Variants in HS6ST3 observed in about 807,000 individuals in gnomAD.
HS6ST3 encodes heparan sulfate 6-O-sulfotransferase 3.
A neutral mutation model predicts 36.7 loss-of-function variants in HS6ST3; 12 were observed. The ratio of observed to expected loss-of-function variants is 0.33; its 90% CI spans 0.21 to 0.53. The LOEUF (loss-of-function observed/expected upper bound fraction) is 0.53, where lower values mean the gene tolerates loss of function less well. Ranked by LOEUF, HS6ST3 falls within the 20% of genes least tolerant of loss-of-function variation. The pLI, the probability that HS6ST3 is intolerant of heterozygous loss-of-function variation, is 0.95. For missense variants in HS6ST3, 584 were observed against 640.9 expected (o/e 0.91, Z 0.96); for synonymous variants, 240 against 257.5 (o/e 0.93, Z 0.65).
At chr13:96,304,720 T>TCTTTCTTTCTTTCTTTCTTTC (rs1444933944) in intron 1 of HS6ST3, among the ~76,000 whole-genome samples, 1 of 137,572 alleles carries the variant, frequency 7.3e-6, no homozygotes. Flanking sequence ...TCTTTTTTTT[T>TCTTTCTTTCTTTCTTTCTTTC]TTTTTTTTTT....
chr13:96,640,651 T>G (rs2139006410), intron 1 of HS6ST3, among the ~76,000 whole-genome samples: 1 of 152,116 alleles, frequency 6.6e-6, no homozygotes, highest in South Asian at 2.1e-4. Flanking sequence ...GCCAGAATGG[T>G]GTTTCCTAGT....
At chr13:96,192,864 A>G (rs6492842) in intron 1 of HS6ST3, among the ~76,000 whole-genome samples, 137,866 of 152,174 alleles carry the variant, frequency 0.91, 62,595 homozygotes, top group Non-Finnish European at 0.93. Context: ...TAGAATGAGT[A>G]TAAACTTGGG....
intron 1 of HS6ST3, among the ~76,000 whole-genome samples, chr13:96,701,138 T>C (rs1875274801): frequency 1.3e-5 from 2 of 152,232 alleles, no homozygotes; most frequent in Non-Finnish European, 2.9e-5. Context: ...AATAGTTGGA[T>C]TGATCTGTCA....
intron 1 of HS6ST3, among the ~76,000 whole-genome samples, chr13:96,422,416 T>C (rs2055566671): frequency 6.6e-6 from 1 of 152,192 alleles, no homozygotes; most frequent in African/African-American, 2.4e-5. Flanking sequence ...GAGGACAATA[T>C]TTATCAGGAA....
At chr13:96,592,719 TA>T (rs1458351227) in intron 1 of HS6ST3, among the ~76,000 whole-genome samples, 2 of 152,050 alleles carry the variant, frequency 1.3e-5, no homozygotes, top group Non-Finnish European at 1.5e-5. Context: ...TAGGGTACAA[TA>T]TTTTTTTTCC....
chr13:96,720,699 A>G (rs937197958), intron 1 of HS6ST3, among the ~76,000 whole-genome samples: 2 of 152,176 alleles, frequency 1.3e-5, no homozygotes, highest in African/African-American at 4.8e-5. Context: ...GCGAAAGGAA[A>G]TTTCTTCTAT....
intron 1 of HS6ST3, among the ~76,000 whole-genome samples, chr13:96,424,995 G>C (rs948818741): frequency 7.2e-5 from 11 of 152,026 alleles, no homozygotes; most frequent in Admixed American, 2.0e-4. Context: ...GCAGATTTTT[G>C]GGGGGATAAA....
chr13:96,194,761 C>T (rs779876007), intron 1 of HS6ST3, among the ~76,000 whole-genome samples: 3 of 152,154 alleles, frequency 2.0e-5, no homozygotes, highest in Non-Finnish European at 4.4e-5. Context: ...CACAAGCCCC[C>T]GCCATCCATT....
chr13:96,828,069 A>AT (rs1367770222), intron 1 of HS6ST3, among the ~76,000 whole-genome samples: 2 of 152,162 alleles, frequency 1.3e-5, no homozygotes, highest in Non-Finnish European at 1.5e-5. Context: ...CTTTTGGGAA[A>AT]TTTTCTGACA....
At chr13:96,772,420 A>G (rs752970202) in intron 1 of HS6ST3, among the ~76,000 whole-genome samples, 1 of 152,222 alleles carries the variant, frequency 6.6e-6, no homozygotes, top group African/African-American at 2.4e-5. Flanking sequence ...AAGGCAGAAG[A>G]TGGGCCCCAG....
intron 1 of HS6ST3, among the ~76,000 whole-genome samples, chr13:96,449,843 T>G (rs2055718491): frequency 6.6e-6 from 1 of 152,220 alleles, no homozygotes; most frequent in Admixed American, 6.5e-5. Context: ...GTTGGATGAC[T>G]TTTTTGCCCT....
At chr13:96,382,024 A>G (rs1270243858) in intron 1 of HS6ST3, among the ~76,000 whole-genome samples, 1 of 152,118 alleles carries the variant, frequency 6.6e-6, no homozygotes, top group Admixed American at 6.6e-5. Flanking sequence ...ACGGTGGCTC[A>G]TGGCTCCCAA....
intron 1 of HS6ST3, among the ~76,000 whole-genome samples, chr13:96,692,169 AG>A (rs1427526295): frequency 1.3e-5 from 2 of 152,140 alleles, no homozygotes; most frequent in African/African-American, 2.4e-5. Flanking sequence ...AAAATTATGT[AG>A]CCTTGGGGGC....
intron 1 of HS6ST3, among the ~76,000 whole-genome samples, chr13:96,725,329 A>T (rs971999120): frequency 2.0e-5 from 3 of 152,150 alleles, no homozygotes; most frequent in Admixed American, 6.5e-5. Context: ...TTGCCATTTA[A>T]TTCTCTTAGC....
In HS6ST3 at chr13:96,509,455, T is replaced by C. The variant is rs117860547; in HGVS notation, c.708-323035T>C. Among the ~76,000 whole-genome samples, 75 of 152,316 alleles carry C rather than the reference T, an allele frequency of 4.9e-4. No individual in the cohort carries two copies. In the East Asian group the frequency reaches 0.014, roughly 29 times the overall value. On this transcript the variant is annotated intron_variant, in intron 1 of 1. Transcript: ENST00000376705. Reference sequence around the variant, plus strand: ...CTAGAAGAGTTTTTCCAATGTTGTCTTATAGAATGTTTATAGTTTCACGTC... The same window carrying C: ...CTAGAAGAGTTTTTCCAATGTTGTCCTATAGAATGTTTATAGTTTCACGTC...
chr13:96,651,683 CT>C (rs2056608207), intron 1 of HS6ST3, among the ~76,000 whole-genome samples: 1 of 152,102 alleles, frequency 6.6e-6, no homozygotes, highest in Admixed American at 6.6e-5. Context: ...ATAAAACTCC[CT>C]CCTTTCTCCA....
chr13:96,137,183 A>T (rs2054006858), intron 1 of HS6ST3, among the ~76,000 whole-genome samples: 1 of 115,922 alleles, frequency 8.6e-6, no homozygotes, highest in Non-Finnish European at 1.7e-5. Flanking sequence ...CCATTTAATA[A>T]CCACTTTCTG....
At chr13:96,750,045 G>A (rs1194484298) in intron 1 of HS6ST3, among the ~76,000 whole-genome samples, 1 of 152,110 alleles carries the variant, frequency 6.6e-6, no homozygotes, top group African/African-American at 2.4e-5. Context: ...AGTAACCACA[G>A]AGATCTTGAA....
chr13:96,738,595 C>A (rs1876348504), intron 1 of HS6ST3, among the ~76,000 whole-genome samples: 2 of 151,928 alleles, frequency 1.3e-5, no homozygotes, highest in African/African-American at 4.8e-5. Context: ...AACATTTTTT[C>A]CTTTTGTAGT....
Sources: gnomAD v4.1 joint callset for allele counts (sites outside exome capture counted in the v4.1 genomes callset) on GRCh38, gnomAD v4.1.1 for gene constraint, MANE v1.5 for transcripts, NCBI Gene and HGNC (gene_info 2026-07-23, HGNC 2026-07-21) for gene names.